SOX5: variants seen among roughly 807,000 people sequenced by gnomAD.
SOX5 encodes SRY-box transcription factor 5.
SOX5 carries 9 observed loss-of-function variants against 92.0 expected under a neutral mutation model. That is an observed-to-expected ratio of 0.10 (90% CI 0.06 to 0.17). The LOEUF is 0.17. Ranked by LOEUF, SOX5 falls within the 10% of genes least tolerant of loss-of-function variation. The pLI is 1.00. For missense variants in SOX5, 642 were observed against 944.5 expected (o/e 0.68, Z 4.20); for synonymous variants, 344 against 336.3 (o/e 1.02, Z -0.25).
At chr12:24,197,057 T>C (rs1260559259) in intron 4 of SOX5, among the ~76,000 whole-genome samples, 1 of 152,162 alleles carries the variant, frequency 6.6e-6, no homozygotes, top group Non-Finnish European at 1.5e-5. Context: ...AGAGGAAAAA[T>C]GTACAACTCA....
At position 24,524,640 on chromosome 12, in the gene SOX5, G is replaced by C. The variant is rs531087114; in HGVS notation, c.-251+37689C>G. Among the ~76,000 whole-genome samples the C allele has an allele frequency of 2.6e-5, 4 of 152,202 alleles. No individual in the cohort carries two copies. The East Asian group carries it at 7.7e-4, about 29-fold the overall frequency. On this transcript the variant is annotated intron_variant, in intron 1 of 4. Coordinates refer to the SOX5 transcript ENST00000446891. ...ATGAGATCTCACCTCACACCTGTCAGGACGGCTAGCATCAAAAAACAAAGG... is the reference window on the plus strand; with the variant it reads ...ATGAGATCTCACCTCACACCTGTCACGACGGCTAGCATCAAAAAACAAAGG...
At chr12:24,257,367 G>A (rs1041056786) in intron 3 of SOX5, among the ~76,000 whole-genome samples, 15 of 152,150 alleles carry the variant, frequency 9.9e-5, no homozygotes, top group Admixed American at 2.0e-4. Context: ...ACAAAAATAT[G>A]TGTATATTAT....
At chr12:23,650,262 T>C (rs2081387180) in intron 7 of SOX5, among the ~76,000 whole-genome samples, 1 of 152,130 alleles carries the variant, frequency 6.6e-6, no homozygotes, top group Non-Finnish European at 1.5e-5. Context: ...CAAGGAATTG[T>C]ATTTACTGAG....
chr12:23,838,081 TTA>T (rs2096456827), intron 3 of SOX5, among the ~76,000 whole-genome samples: 1 of 137,096 alleles, frequency 7.3e-6, no homozygotes, highest in African/African-American at 2.7e-5. Flanking sequence ...ATATTTATAT[TTA>T]TATATATTTA....
chr12:23,987,274 T>C (rs1950143713), intron 4 of SOX5, among the ~76,000 whole-genome samples: 2 of 152,172 alleles, frequency 1.3e-5, no homozygotes, highest in South Asian at 4.1e-4. Flanking sequence ...CGGTCAGAGA[T>C]GGCCTCTCTA....
chr12:24,427,797 A>T (rs1966858841), intron 1 of SOX5, among the ~76,000 whole-genome samples: 1 of 152,216 alleles, frequency 6.6e-6, no homozygotes, highest in Non-Finnish European at 1.5e-5. Flanking sequence ...AATATCTACC[A>T]GCGCTTGATA....
At chr12:24,236,221 A>AAAT (rs1964482993) in intron 3 of SOX5, among the ~76,000 whole-genome samples, 1 of 151,744 alleles carries the variant, frequency 6.6e-6, no homozygotes, top group Admixed American at 6.6e-5. Flanking sequence ...TAGATAAATA[A>AAAT]AATAAAATAA....
At chr12:24,325,552 T>G (rs900251489) in intron 2 of SOX5, among the ~76,000 whole-genome samples, 1 of 152,138 alleles carries the variant, frequency 6.6e-6, no homozygotes, top group Non-Finnish European at 1.5e-5. Context: ...GAGCTTCCCC[T>G]CAATGAAGAA....
Position 24,541,391 on chromosome 12 carries a change from C to G in SOX5, c.-251+20938G>C, listed in dbSNP as rs1223225702. 2.6e-5 allele frequency among the ~76,000 whole-genome samples: 4 copies of G among 152,198 alleles called. No homozygotes were observed. In the East Asian group the frequency reaches 7.7e-4, roughly 29 times the overall value. ...AGAAATGTCCATGACATTGCATCAT[C>G]ATTCTAAGGTTTTATTTCTTATTAG... On this transcript the variant is annotated intron_variant, in intron 1 of 4. Coordinates refer to the SOX5 transcript ENST00000446891.
At chr12:24,311,328 T>G (rs1316956060) in intron 2 of SOX5, among the ~76,000 whole-genome samples, 1 of 152,234 alleles carries the variant, frequency 6.6e-6, no homozygotes, top group South Asian at 2.1e-4. Context: ...TTTTGAGCCA[T>G]CATTTCTGAA....
intron 4 of SOX5, among the ~76,000 whole-genome samples, chr12:24,018,552 T>C (rs1953930292): frequency 6.6e-6 from 1 of 152,166 alleles, no homozygotes; most frequent in Admixed American, 6.5e-5. Flanking sequence ...TCCCAGTACT[T>C]TGGGAGGCCA....
chr12:23,804,968 T>TATATATATATATATATA (rs2095742335), intron 3 of SOX5, among the ~76,000 whole-genome samples: 1 of 5,252 alleles, frequency 1.9e-4, no homozygotes, highest in Non-Finnish European at 5.9e-4. Flanking sequence ...TATATATATA[T>TATATATATATATATATA]TCCTTTAAAA....
chr12:24,448,274 C>G (rs928927166), intron 1 of SOX5, among the ~76,000 whole-genome samples: 2 of 145,152 alleles, frequency 1.4e-5, no homozygotes, highest in African/African-American at 2.4e-5. Context: ...GCACAATAAC[C>G]ATCTCACAGT....
chr12:23,749,578 G>A (rs1316494106), intron 4 of SOX5, among the ~76,000 whole-genome samples: 1 of 151,796 alleles, frequency 6.6e-6, no homozygotes, highest in Non-Finnish European at 1.5e-5. Context: ...TTGTTTCTGG[G>A]ACATTATGAA....
intron 3 of SOX5, among the ~76,000 whole-genome samples, chr12:24,248,713 G>T (rs1196902993): frequency 2.0e-5 from 3 of 151,924 alleles, no homozygotes; most frequent in Non-Finnish European, 4.4e-5. Context: ...AGCTTTGTTA[G>T]GTCCACATTC....
intron 3 of SOX5, among the ~76,000 whole-genome samples, chr12:24,270,893 T>G (rs1943647239): frequency 6.6e-6 from 1 of 152,258 alleles, no homozygotes; most frequent in Non-Finnish European, 1.5e-5. Context: ...ATTGTACGAT[T>G]GTTCTATAAT....
intron 4 of SOX5, among the ~76,000 whole-genome samples, chr12:23,966,478 T>G (rs1290220119): frequency 6.8e-6 from 1 of 146,802 alleles, no homozygotes; most frequent in African/African-American, 2.5e-5. Flanking sequence ...TGAAGAAAAA[T>G]ATATTGAACT....
At chr12:24,186,805 G>A (rs1453544549) in intron 4 of SOX5, among the ~76,000 whole-genome samples, 2 of 151,964 alleles carry the variant, frequency 1.3e-5, no homozygotes, top group African/African-American at 4.8e-5. Flanking sequence ...CCAAAATCTT[G>A]CTGGTTATTT....
At chr12:24,397,998 C>T (rs537494658) in intron 1 of SOX5, among the ~76,000 whole-genome samples, 17 of 151,980 alleles carry the variant, frequency 1.1e-4, no homozygotes, top group Admixed American at 4.6e-4. Flanking sequence ...TACAGGTGCC[C>T]GCCACCATGC....
Sources: allele counts gnomAD v4.1 joint callset (sites outside exome capture counted in the v4.1 genomes callset), GRCh38; gene constraint gnomAD v4.1.1; transcripts MANE v1.5; gene names NCBI Gene and HGNC (gene_info 2026-07-23, HGNC 2026-07-21).